The following BMP7 variants were observed in gnomAD, a reference collection of about 807,000 sequenced individuals.
The protein encoded by BMP7 is osteogenic protein 1.
Under a neutral mutation model 41.2 loss-of-function variants are expected in BMP7, and 12 were observed. That is an observed-to-expected ratio of 0.29 (90% confidence interval 0.19 to 0.47). The LOEUF (loss-of-function observed/expected upper bound fraction) is 0.47, where lower values mean the gene tolerates loss of function less well. Ranked by LOEUF, BMP7 falls within the 20% of genes least tolerant of loss-of-function variation. The probability of loss-of-function intolerance (pLI) is 0.99; values close to 1 mark genes in which losing one functional copy is unlikely to be tolerated. For missense variants in BMP7, 467 were observed against 606.0 expected (o/e 0.77, Z 2.41); for synonymous variants, 248 against 250.0 (o/e 0.99, Z 0.07).
intron 3 of BMP7, among the ~76,000 whole-genome samples, chr20:57,192,277 CTATAA>C (rs1984384815): frequency 7.7e-6 from 1 of 129,186 alleles, no homozygotes; most frequent in Non-Finnish European, 1.6e-5. Context: ...AGTATATATA[CTATAA>C]TATATATAGT....
At chr20:57,254,017 CTTTTTTTTTT>C (rs35180643) in intron 1 of BMP7, among the ~76,000 whole-genome samples, 3 of 71,532 alleles carry the variant, frequency 4.2e-5, no homozygotes, top group East Asian at 3.7e-4. Context: ...GGTTTCTTTC[CTTTTTTTTTT>C]TTTTTTTTTT....
At chr20:57,198,042 G>T (rs990171569) in intron 3 of BMP7, among the ~76,000 whole-genome samples, 1 of 148,042 alleles carries the variant, frequency 6.8e-6, no homozygotes, top group Non-Finnish European at 1.5e-5. Context: ...TCCACTCAAA[G>T]GTGCCTTGCC....
chr20:57,254,017 C>CTTTTTTTTTTTTT lies in BMP7; in HGVS notation c.418+11675_418+11687dup, dbSNP rs35180643. Among the ~76,000 whole-genome samples the CTTTTTTTTTTTTT allele has an allele frequency of 1.7e-4, 12 of 71,532 alleles. 2 individuals are homozygous for CTTTTTTTTTTTTT. Among genetic ancestry groups the CTTTTTTTTTTTTT allele is most frequent in the African/African-American group, 7.5e-4 (12 of 16,070 alleles). The allele number at this position is 71,532 out of a possible 152,430, so 46.9% of individuals were successfully genotyped here. A position where few individuals can be genotyped will look rare whatever the true frequency, so the allele number is the denominator to read the frequency against. ...ATTGTATTTTCTTTTGGTTTCTTTCCTTTTTTTTTTTTTTTTTTTTTTTTT... is the reference window on the plus strand; with the variant it reads ...ATTGTATTTTCTTTTGGTTTCTTTCCTTTTTTTTTTTTTTTTTTTTTTTTTTTTTTTTTTTTTT... On this transcript the variant is annotated intron_variant, in intron 1 of 6. Transcript: ENST00000395863.
Position 57,228,443 on chromosome 20 carries a change from C to T in BMP7, c.419-22G>A. The T allele has an allele frequency of 6.2e-7, 1 of 1,611,920 alleles. No homozygotes were observed. The highest frequency in any genetic ancestry group is 1.1e-5 in the South Asian group (1 of 91,026). On this transcript the variant is annotated intron_variant, in intron 1 of 6. Transcript: ENST00000395863. The surrounding 1 kb of genome is among the most constrained non-coding windows in gnomAD (Gnocchi z 4.5). Reference sequence around the variant, plus strand: ...TCCACTGGAAGAGGAAGAGAACACACACCAACACCGACAGCTCATTAGTGT... The same window carrying T: ...TCCACTGGAAGAGGAAGAGAACACATACCAACACCGACAGCTCATTAGTGT...
intron 3 of BMP7, among the ~76,000 whole-genome samples, chr20:57,201,945 G>A (rs570731299): frequency 1.3e-5 from 2 of 152,344 alleles, no homozygotes; most frequent in East Asian, 3.9e-4. Context: ...TTCTAATGTG[G>A]AAGGGACCAA....
intron 3 of BMP7, 83 bp from the exon 4 acceptor site, chr20:57,184,002 C>A (rs1281954841): frequency 2.9e-5 from 43 of 1,471,184 alleles, no homozygotes; most frequent in Non-Finnish European, 3.8e-5. Context: ...TGCTATGCCT[C>A]CCGGTTCATT....
intron 3 of BMP7, among the ~76,000 whole-genome samples, chr20:57,190,866 C>G (rs1284624900): frequency 6.6e-6 from 1 of 152,212 alleles, no homozygotes; most frequent in Non-Finnish European, 1.5e-5. Flanking sequence ...AGGCCACAGC[C>G]AGCATGGTGG....
intron 1 of BMP7, chr20:57,243,754 T>C: frequency 6.6e-6 from 1 of 152,266 alleles, no homozygotes; most frequent in East Asian, 1.9e-4. Context: ...CACGGCTGAG[T>C]TGGTCTCACC....
At chr20:57,197,196 G>A (rs949507307) in intron 3 of BMP7, among the ~76,000 whole-genome samples, 5 of 151,696 alleles carry the variant, frequency 3.3e-5, no homozygotes, top group Non-Finnish European at 5.9e-5. Flanking sequence ...CACCGCACCC[G>A]GCCCTAATTT....
At chr20:57,188,694 TATAA>T (rs771156632) in intron 3 of BMP7, among the ~76,000 whole-genome samples, 14 of 152,196 alleles carry the variant, frequency 9.2e-5, no homozygotes, top group Non-Finnish European at 1.8e-4. Flanking sequence ...GGACAGTTTG[TATAA>T]ATAAACAGTA....
At position 57,266,123 on chromosome 20, in the gene BMP7, C is replaced by A. The variant is rs762484686; in HGVS notation, c.-1G>T. 30 of 1,530,244 alleles carry A rather than the reference C, an allele frequency of 2.0e-5. No individual in the cohort carries two copies. The highest frequency in any genetic ancestry group is 1.9e-4 in the Middle Eastern group (1 of 5,324). 94.8% of individuals were successfully genotyped at this position (1,530,244 alleles called of 1,614,324 possible). A position where few individuals can be genotyped will look rare whatever the true frequency, so the allele number is the denominator to read the frequency against. Reference sequence around the variant, plus strand: ...CAGCTCGCAGTGAGCGCACGTGCATCGCGCCGGCTCTACGCGCTACCCGGG... The same window carrying A: ...CAGCTCGCAGTGAGCGCACGTGCATAGCGCCGGCTCTACGCGCTACCCGGG... On this transcript the variant is annotated 5_prime_UTR_variant, in exon 1 of 7. Coordinates refer to ENST00000395863, the MANE Select transcript of BMP7 (RefSeq NM_001719.3).
At position 57,197,909 on chromosome 20, in the gene BMP7, G is replaced by A. The variant is rs775469469; in HGVS notation, c.760+4566C>T. On this transcript the variant is annotated intron_variant, in intron 3 of 6. Transcript: ENST00000395863. ...GGTGCCAGAGTATGAGTGTGCAGGG[G>A]TTGCTAGTCCATCCTGCTTCTAAAA... 3.6e-4 allele frequency among the ~76,000 whole-genome samples: 55 copies of A among 152,316 alleles called. 1 individual carries two copies. Among genetic ancestry groups the A allele is most frequent in the Non-Finnish European group, 6.8e-4 (46 of 68,022 alleles).
At chr20:57,254,351 G>T (rs1186516209) in intron 1 of BMP7, among the ~76,000 whole-genome samples, 2 of 152,038 alleles carry the variant, frequency 1.3e-5, no homozygotes, top group Non-Finnish European at 2.9e-5. Context: ...TTAAAAGACA[G>T]AAAACTTGAC....
chr20:57,252,278 C>A (rs991541637), intron 1 of BMP7, among the ~76,000 whole-genome samples: 1 of 152,238 alleles, frequency 6.6e-6, no homozygotes, highest in East Asian at 1.9e-4. Flanking sequence ...TCTTAGCCTG[C>A]AGGCTGTACT....
intron 2 of BMP7, among the ~76,000 whole-genome samples, chr20:57,209,247 T>TTTATATATATATATATATATATATATATA (rs1984816178): frequency 2.9e-5 from 2 of 69,876 alleles, no homozygotes; most frequent in Non-Finnish European, 5.7e-5. Flanking sequence ...ATTTATATAT[T>TTTATATATATATATATATATATATATATA]TTTATATATA....
At chr20:57,233,553 C>T (rs1326858440) in intron 1 of BMP7, among the ~76,000 whole-genome samples, 1 of 152,206 alleles carries the variant, frequency 6.6e-6, no homozygotes, top group Non-Finnish European at 1.5e-5. Flanking sequence ...TGGGCGCCCC[C>T]CCTTCATGAT....
intron 4 of BMP7, among the ~76,000 whole-genome samples, chr20:57,175,417 A>G (rs1983901333): frequency 6.6e-6 from 1 of 152,212 alleles, no homozygotes; most frequent in Non-Finnish European, 1.5e-5. Context: ...GAACAACCTC[A>G]ACTCGTGAGG....
chr20:57,174,966 C>T lies in BMP7; in HGVS notation c.1000G>A (p.Glu334Lys), dbSNP rs772689429. 6.2e-6 allele frequency: 10 copies of T among 1,612,352 alleles called. No homozygotes were observed. Among genetic ancestry groups the T allele is most frequent in the Non-Finnish European group, 8.5e-6 (10 of 1,179,900 alleles). ...AGGTCTCGGAAGCTGACATACAGCT[C>T]GTGCTTCTTACAGGCCTGCCTCTGG... The part of the protein sequence containing the change: ...SDQRQACKKH[E>K]LYVSFRDLGW... Residue 334 changes from glutamate to lysine, a missense_variant, in exon 5 of 7, where the codon GAG (glutamate) becomes AAG (lysine). Glu to Lys is a moderately conservative substitution (Grantham distance 56). Coordinates refer to ENST00000395863, the MANE Select transcript of BMP7 (RefSeq NM_001719.3). This position sits in a 1 kb window ranked among gnomAD's most constrained non-coding sequence, Gnocchi z 4.3.
chr20:57,241,066 G>A (rs576055576), intron 1 of BMP7, among the ~76,000 whole-genome samples: 14 of 152,194 alleles, frequency 9.2e-5, no homozygotes, highest in South Asian at 4.2e-4. Flanking sequence ...GGGACACATC[G>A]TGCTCACTTT....
Sources: allele counts gnomAD v4.1 joint callset (sites outside exome capture counted in the v4.1 genomes callset), GRCh38; gene constraint gnomAD v4.1.1; non-coding constraint Gnocchi (gnomAD v3.1); transcripts MANE v1.5; gene names NCBI Gene and HGNC (gene_info 2026-07-23, HGNC 2026-07-21).